Variants in RASSF3 observed in about 807,000 individuals in gnomAD.
RASSF3 encodes ras association domain-containing protein 3.
Under a neutral mutation model 19.9 loss-of-function variants are expected in RASSF3, and 19 were observed. The observed-to-expected ratio is 0.96, with a 90% CI of 0.67 to 1.40. The LOEUF is 1.40. Ranked by LOEUF, RASSF3 falls within the 40% of genes most tolerant of loss-of-function variation. RASSF3 has a pLI of 0.00. For missense variants in RASSF3, 306 were observed against 289.8 expected (o/e 1.06, Z -0.41); for synonymous variants, 110 against 104.2 (o/e 1.06, Z -0.34).
intron 2 of RASSF3, among the ~76,000 whole-genome samples, chr12:64,581,553 A>G (rs927941026): frequency 7.2e-5 from 11 of 152,282 alleles, no homozygotes; most frequent in African/African-American, 2.4e-4. Flanking sequence ...TACAGAAAAA[A>G]TAAAAATAAA....
At chr12:64,583,084 C>T (rs1869731083) in intron 2 of RASSF3, among the ~76,000 whole-genome samples, 1 of 152,146 alleles carries the variant, frequency 6.6e-6, no homozygotes, top group African/African-American at 2.4e-5. Context: ...GAGATCTCCT[C>T]TACCCCACCT....
At chr12:64,654,893 G>A (rs548956736) in intron 1 of RASSF3, 1 of 152,142 alleles carries the variant, frequency 6.6e-6, no homozygotes, top group Admixed American at 6.6e-5. Flanking sequence ...AAAATACAAT[G>A]TAAAATAAAA....
chr12:64,564,435 T>A (rs1592402122), intron 2 of RASSF3, among the ~76,000 whole-genome samples: 1 of 151,812 alleles, frequency 6.6e-6, no homozygotes, highest in South Asian at 2.1e-4. Flanking sequence ...CAGGCTGGAG[T>A]GCAATGGCAT....
intron 1 of RASSF3, among the ~76,000 whole-genome samples, chr12:64,627,484 A>G (rs1871035296): frequency 6.6e-6 from 1 of 152,194 alleles, no homozygotes; most frequent in Non-Finnish European, 1.5e-5. Flanking sequence ...CCTGCCTATG[A>G]GCTTCACAAG....
chr12:64,679,852 C>T (rs1478710528), intron 1 of RASSF3, among the ~76,000 whole-genome samples: 9 of 152,296 alleles, frequency 5.9e-5, no homozygotes, highest in Non-Finnish European at 1.0e-4. Flanking sequence ...ACCAAGCAGA[C>T]GCTCTCAGGC....
chr12:64,681,671 A>G (rs2136216379), intron 1 of RASSF3, among the ~76,000 whole-genome samples: 1 of 152,322 alleles, frequency 6.6e-6, no homozygotes, highest in East Asian at 1.9e-4. Flanking sequence ...TACCCAGCTA[A>G]TTGTGGATTG....
upstream of RASSF3, among the ~76,000 whole-genome samples, chr12:64,606,956 T>C (rs1426692265): frequency 6.6e-6 from 1 of 152,196 alleles, no homozygotes; most frequent in African/African-American, 2.4e-5. Context: ...TTTCATGAGC[T>C]AAATTTTAAA....
intron 1 of RASSF3, among the ~76,000 whole-genome samples, chr12:64,683,626 T>G (rs1471736724): frequency 6.6e-6 from 1 of 152,206 alleles, no homozygotes; most frequent in Non-Finnish European, 1.5e-5. Flanking sequence ...TAGTGCCAGT[T>G]AATACTGATT....
At chr12:64,634,868 T>C (rs2136176415) in intron 1 of RASSF3, among the ~76,000 whole-genome samples, 1 of 152,008 alleles carries the variant, frequency 6.6e-6, no homozygotes, top group South Asian at 2.1e-4. Flanking sequence ...AAACTAGGTT[T>C]TGCTCAGACA....
chr12:64,646,382 G>T (rs1871735565), intron 1 of RASSF3, among the ~76,000 whole-genome samples: 1 of 152,124 alleles, frequency 6.6e-6, no homozygotes, highest in Non-Finnish European at 1.5e-5. Context: ...CTCTTTAGTT[G>T]TTCCATTTTT....
intron 1 of RASSF3, among the ~76,000 whole-genome samples, chr12:64,648,578 A>G (rs1041734723): frequency 2.7e-5 from 4 of 150,220 alleles, no homozygotes; most frequent in Non-Finnish European, 5.9e-5. Context: ...CACCTCCTGG[A>G]TTCAAGCGAT....
intron 2 of RASSF3, among the ~76,000 whole-genome samples, chr12:64,580,482 T>C (rs1256359466): frequency 6.6e-6 from 1 of 151,854 alleles, no homozygotes; most frequent in Admixed American, 6.6e-5. Flanking sequence ...GAAGATGCTT[T>C]GAGTCCAGGA....
At chr12:64,564,565 A>G (rs1188016792) in intron 2 of RASSF3, among the ~76,000 whole-genome samples, 2 of 151,698 alleles carry the variant, frequency 1.3e-5, no homozygotes, top group Non-Finnish European at 2.9e-5. Flanking sequence ...TATTTTTAGT[A>G]GAGATGGGGT....
chr12:64,605,135 A>G (rs1209921130), intron 2 of RASSF3, among the ~76,000 whole-genome samples: 1 of 151,572 alleles, frequency 6.6e-6, no homozygotes, highest in Non-Finnish European at 1.5e-5. Context: ...GCAGGCACCC[A>G]CCACATTCAG....
intron 2 of RASSF3, among the ~76,000 whole-genome samples, chr12:64,547,766 C>A: frequency 6.6e-6 from 1 of 152,034 alleles, no homozygotes; most frequent in Non-Finnish European, 1.5e-5. Flanking sequence ...CAAATTCTTC[C>A]CCCCCACAAC....
chr12:64,644,627 G>T (rs1417145214), intron 1 of RASSF3, among the ~76,000 whole-genome samples: 1 of 152,054 alleles, frequency 6.6e-6, no homozygotes, highest in South Asian at 2.1e-4. Flanking sequence ...AGCCCAGGAG[G>T]TTGAGGCTGC....
chr12:64,524,617 C>G (rs1305564082), intron 1 of RASSF3, among the ~76,000 whole-genome samples: 1 of 152,130 alleles, frequency 6.6e-6, no homozygotes, highest in Non-Finnish European at 1.5e-5. Flanking sequence ...GTGCCCAGAT[C>G]TAAAAAAAGG....
At chr12:64,526,254 C>A (rs572162829) in intron 1 of RASSF3, among the ~76,000 whole-genome samples, 13 of 152,174 alleles carry the variant, frequency 8.5e-5, no homozygotes, top group African/African-American at 3.1e-4. Flanking sequence ...GTACTTATTG[C>A]GGAATGGTTA....
chr12:64,646,922 C>G lies in RASSF3; in HGVS notation c.111+36179C>G, dbSNP rs116429613. On this transcript the variant is annotated intron_variant, in intron 1 of 4. Transcript: ENST00000542104. ...AGTTCATTTACTTTCTATCATGACC[C>G]AATAAAGTATATGTATCTTTGCTAT... 7.1e-3 allele frequency among the ~76,000 whole-genome samples: 1,075 copies of G among 152,230 alleles called. 15 individuals carry two copies. The highest frequency in any genetic ancestry group is 0.025 in the African/African-American group (1,028 of 41,542).
Sources: allele counts gnomAD v4.1 joint callset (sites outside exome capture counted in the v4.1 genomes callset), GRCh38; gene constraint gnomAD v4.1.1; transcripts MANE v1.5; gene names NCBI Gene and HGNC (gene_info 2026-07-23, HGNC 2026-07-21).